POGLUT1: variants seen among roughly 807,000 people sequenced by gnomAD.
POGLUT1 encodes the protein 9630046K23Rik.
Under a neutral mutation model 61.3 loss-of-function variants are expected in POGLUT1, and 32 were observed. That is an observed-to-expected ratio of 0.52 (90% CI 0.39 to 0.70). The LOEUF (loss-of-function observed/expected upper bound fraction) is 0.70, where lower values mean the gene tolerates loss of function less well. POGLUT1 is among the 30% of genes least tolerant of loss of function. The pLI is 0.00. For missense variants in POGLUT1, 411 were observed against 469.8 expected (o/e 0.87, Z 1.16); for synonymous variants, 158 against 158.2 (o/e 1.00, Z 0.01).
At chr3:119,489,323 C>T (rs938724012) in intron 8 of POGLUT1, 1 of 169,248 alleles carries the variant, frequency 5.9e-6, no homozygotes, top group Non-Finnish European at 1.3e-5. Flanking sequence ...TCCTGGTGTG[C>T]TGGCATGCTC....
chr3:119,486,746 G>A, intron 6 of POGLUT1, 87 bp from the exon 7 acceptor site: 1 of 871,370 alleles, frequency 1.1e-6, no homozygotes, highest in Non-Finnish European at 1.9e-6. Context: ...TCATTGCATT[G>A]GGTCCTAGTC....
chr3:119,473,809 C>T (rs1041937006), intron 3 of POGLUT1, among the ~76,000 whole-genome samples: 2 of 151,862 alleles, frequency 1.3e-5, no homozygotes, highest in South Asian at 2.1e-4. Context: ...TACAGGCGCC[C>T]GCCACCACAC....
intron 3 of POGLUT1, 55 bp downstream of exon 3, chr3:119,471,507 A>G (rs1577075868): frequency 4.6e-6 from 7 of 1,527,436 alleles, no homozygotes; most frequent in South Asian, 1.1e-5. Flanking sequence ...TGGGCTTGAT[A>G]CCCTTTTATA....
intron 8 of POGLUT1, 97 bp downstream of exon 8, chr3:119,489,084 G>A (rs1230051425): frequency 4.8e-6 from 3 of 620,902 alleles, no homozygotes; most frequent in Non-Finnish European, 8.6e-6. Flanking sequence ...CCCAGCTGGA[G>A]TAAATGAAAG....
chr3:119,478,949 G>A (rs1267534320), intron 4 of POGLUT1, among the ~76,000 whole-genome samples: 1 of 150,532 alleles, frequency 6.6e-6, no homozygotes, highest in Non-Finnish European at 1.5e-5. Flanking sequence ...TTTTGAGGCA[G>A]AGTCTCACTC....
At chr3:119,481,891 G>T (rs1341055738) in intron 5 of POGLUT1, among the ~76,000 whole-genome samples, 1 of 152,008 alleles carries the variant, frequency 6.6e-6, no homozygotes, top group Non-Finnish European at 1.5e-5. Flanking sequence ...ACATAATTTT[G>T]AGAGGGGGGG....
chr3:119,486,760 C>T (rs889957154), intron 6 of POGLUT1, 73 bp from the exon 7 acceptor site: 8 of 1,006,364 alleles, frequency 7.9e-6, no homozygotes, highest in Non-Finnish European at 1.3e-5. Context: ...CCTAGTCCTG[C>T]TCACCTTTCA....
At chr3:119,490,943 G>A (rs1249536216) in intron 9 of POGLUT1, among the ~76,000 whole-genome samples, 1 of 152,004 alleles carries the variant, frequency 6.6e-6, no homozygotes, top group East Asian at 1.9e-4. Context: ...GGTTTCAAAT[G>A]AAACGTTCAG....
Position 119,477,323 on chromosome 3 carries a change from G to A in POGLUT1, c.331G>A (p.Val111Ile). The change falls in exon 4 of 11, where the codon GTT becomes ATT. Residue 111 changes from valine (V) to isoleucine (I), a missense_variant. Physicochemically the swap from Val to Ile is conservative, Grantham distance 29. Coordinates refer to ENST00000295588, the MANE Select transcript of POGLUT1 (RefSeq NM_152305.3). ...DCMFPSRCSG[V>I]EHFILEVIGR... Reference sequence around the variant, plus strand: ...ATGTCTGGTTGACAGGTGTAGTGGTGTTGAGCACTTTATTTTGGAAGTGAT... The same window carrying A: ...ATGTCTGGTTGACAGGTGTAGTGGTATTGAGCACTTTATTTTGGAAGTGAT... 1 of 1,614,104 alleles carries A rather than the reference G, an allele frequency of 6.2e-7. No individual in the cohort carries two copies. Among genetic ancestry groups the A allele is most frequent in the Non-Finnish European group, 8.5e-7 (1 of 1,179,964 alleles).
chr3:119,479,947 T>C (rs763444572), intron 4 of POGLUT1, 104 bp from the exon 5 acceptor site: 12 of 1,582,664 alleles, frequency 7.6e-6, no homozygotes, highest in Admixed American at 3.5e-5. Flanking sequence ...TCTTTGACAA[T>C]GTGACACTAA....
chr3:119,487,935 A>T (rs754013675), intron 7 of POGLUT1: 1 of 152,232 alleles, frequency 6.6e-6, no homozygotes, highest in Non-Finnish European at 1.5e-5. Context: ...AGGTGAAGCC[A>T]GAAATGGGAC....
chr3:119,491,485 A>G (rs1267621863), intron 9 of POGLUT1, 33 bp from the exon 10 acceptor site: 1 of 1,114,862 alleles, frequency 9.0e-7, no homozygotes, highest in East Asian at 2.5e-5. Flanking sequence ...AAGTTGGTCT[A>G]TATTTCACAG....
At chr3:119,485,275 T>G (rs939421600) in intron 5 of POGLUT1, 53 bp from the exon 6 acceptor site, 7 of 1,107,342 alleles carry the variant, frequency 6.3e-6, no homozygotes, top group Admixed American at 1.9e-5. Context: ...TAAAGCACAT[T>G]CTTATATAGT....
At chr3:119,476,442 CTTT>C (rs371954325) in intron 3 of POGLUT1, among the ~76,000 whole-genome samples, 1 of 145,826 alleles carries the variant, frequency 6.9e-6, no homozygotes, top group Non-Finnish European at 1.5e-5. Context: ...ATAAAAAACA[CTTT>C]TTTTTTTTTT....
intron 3 of POGLUT1, among the ~76,000 whole-genome samples, chr3:119,475,895 A>G (rs919864903): frequency 6.6e-6 from 1 of 151,020 alleles, no homozygotes. Context: ...CTGAGGTGGG[A>G]GGATCACTTG....
In POGLUT1 at chr3:119,492,288, C is replaced by T; in HGVS notation, c.1029C>T (p.Ser343=). 6.3e-7 allele frequency: 1 copy of T among 1,596,158 alleles called. No homozygotes were observed. The highest frequency in any genetic ancestry group is 8.5e-7 in the Non-Finnish European group (1 of 1,171,996). ...TGTTAAATCTTGTCTCTAGGGGAAG[C>T]CAGTTTATTAGGAACCATTTGCAGA... The part of the protein sequence containing the change: ...DVAQEIAERG[S]QFIRNHLQMD... Residue 343 remains serine, a synonymous_variant, in exon 11 of 11, where the codon AGC becomes AGT. Transcript: ENST00000295588.
chr3:119,491,016 T>A (rs146009278), intron 9 of POGLUT1, among the ~76,000 whole-genome samples: 35 of 151,928 alleles, frequency 2.3e-4, no homozygotes, highest in African/African-American at 8.2e-4. Flanking sequence ...TCAATCTTAT[T>A]ATATTGTCAA....
At chr3:119,485,052 TA>T (rs1436139149) in intron 5 of POGLUT1, among the ~76,000 whole-genome samples, 19 of 151,978 alleles carry the variant, frequency 1.3e-4, no homozygotes, top group African/African-American at 3.9e-4. Flanking sequence ...CTGTCTCTAC[TA>T]AAAAATACAC....
chr3:119,482,200 C>G (rs1473717481), intron 5 of POGLUT1, among the ~76,000 whole-genome samples: 2 of 152,180 alleles, frequency 1.3e-5, no homozygotes, highest in South Asian at 2.1e-4. Flanking sequence ...CTTTTCCCAC[C>G]TGCCATGCAG....
Sources: gnomAD v4.1 joint callset for allele counts (sites outside exome capture counted in the v4.1 genomes callset) on GRCh38, gnomAD v4.1.1 for gene constraint, MANE v1.5 for transcripts, NCBI Gene and HGNC (gene_info 2026-07-23, HGNC 2026-07-21) for gene names.